The following TCF7L2 variants were observed in gnomAD, a reference collection of about 807,000 sequenced individuals.
TCF7L2 encodes the protein transcription factor 7-like 2.
A neutral mutation model predicts 77.9 loss-of-function variants in TCF7L2; 23 were observed. The ratio of observed to expected loss-of-function variants is 0.30; its 90% confidence interval spans 0.21 to 0.42. The LOEUF is 0.42. TCF7L2 is among the 10% of genes least tolerant of loss of function. The pLI is 1.00. For missense variants in TCF7L2, 654 were observed against 793.1 expected, an observed-to-expected ratio of 0.82 and a Z score of 2.11; for synonymous variants, 413 against 340.2, an observed-to-expected ratio of 1.21 and a Z score of -2.36.
intron 4 of TCF7L2, among the ~76,000 whole-genome samples, chr10:112,989,384 C>A (rs2135419622): frequency 6.6e-6 from 1 of 151,614 alleles, no homozygotes; most frequent in African/African-American, 2.4e-5. Flanking sequence ...AGAAAAAAAG[C>A]CAAAACACTT....
chr10:113,084,669 C>T (rs529533670), intron 5 of TCF7L2, among the ~76,000 whole-genome samples: 7 of 152,062 alleles, frequency 4.6e-5, no homozygotes, highest in South Asian at 2.1e-4. Flanking sequence ...CCGAGGTGGG[C>T]GGATCACTTG....
chr10:112,982,075 G>T (rs1476896157), intron 4 of TCF7L2, among the ~76,000 whole-genome samples: 1 of 152,162 alleles, frequency 6.6e-6, no homozygotes, highest in Non-Finnish European at 1.5e-5. Flanking sequence ...ACTTGTGATC[G>T]ATCTTCCCAT....
rs533953800 is a variant in TCF7L2 at position 113,117,996 on chromosome 10, A to G, written c.553-23188A>G. ...CCCGCCCCCATAAATAAATAATAAA[A>G]TAAATATAAGCTTTTCTCTTAAGAC... On this transcript the variant is annotated intron_variant, in intron 5 of 13. Transcript: ENST00000627217. Among the ~76,000 whole-genome samples, 180 of 129,052 alleles carry G rather than the reference A, an allele frequency of 1.4e-3. 2 individuals carry two copies. In the South Asian group the frequency reaches 0.023, roughly 17 times the overall value. 84.7% of individuals were successfully genotyped at this position (129,052 alleles called of 152,430 possible). A position where few individuals can be genotyped will look rare whatever the true frequency, so the allele number is the denominator to read the frequency against.
chr10:113,101,712 G>A (rs2061655060), intron 5 of TCF7L2, among the ~76,000 whole-genome samples: 3 of 151,780 alleles, frequency 2.0e-5, no homozygotes, highest in African/African-American at 7.3e-5. Flanking sequence ...GCATGGTGGC[G>A]GCCGCCTGTA....
At position 112,951,527 on chromosome 10, in the gene TCF7L2, C is replaced by G; in HGVS notation, c.301C>G (p.Pro101Ala). ...AGGGCTCTTTAAGGGGCCACCGTAT[C>G]CCGGCTACCCCTTCATCATGATCCC... Residue 101 changes from proline to alanine, a missense_variant, in exon 3 of 14, where the codon CCC (proline) becomes GCC (alanine). Around this residue, in one of 6 missense-constraint regions of TCF7L2, gnomAD observed 132 missense variants for 123.7 expected, o/e 1.07. Transcript: ENST00000627217. 2.1e-6 allele frequency: 3 copies of G among 1,429,700 alleles called. No individual in the cohort carries two copies. Among genetic ancestry groups the G allele is most frequent in the Non-Finnish European group, 2.8e-6 (3 of 1,068,598 alleles). 88.6% of individuals were successfully genotyped at this position (1,429,700 alleles called of 1,614,324 possible). A position where few individuals can be genotyped will look rare whatever the true frequency, so the allele number is the denominator to read the frequency against.
intron 4 of TCF7L2, among the ~76,000 whole-genome samples, chr10:112,986,910 T>A (rs556074458): frequency 1.3e-5 from 2 of 152,314 alleles, no homozygotes; most frequent in East Asian, 1.9e-4. Flanking sequence ...TGTCACTGTT[T>A]TTGCTCCTGG....
At chr10:112,994,005 A>G (rs975686597) in intron 4 of TCF7L2, among the ~76,000 whole-genome samples, 1 of 151,822 alleles carries the variant, frequency 6.6e-6, no homozygotes, top group Admixed American at 6.6e-5. Flanking sequence ...CAGTTAGCTG[A>G]GACCATGCCA....
intron 5 of TCF7L2, among the ~76,000 whole-genome samples, chr10:113,068,580 A>G (rs1356788688): frequency 6.6e-6 from 1 of 152,104 alleles, no homozygotes; most frequent in African/African-American, 2.4e-5. Context: ...GAGTTCAAAC[A>G]CTAAACACGG....
chr10:113,002,928 T>G (rs930807629), intron 4 of TCF7L2, among the ~76,000 whole-genome samples: 19 of 152,242 alleles, frequency 1.2e-4, no homozygotes, highest in African/African-American at 4.1e-4. Context: ...CATCTCTAAA[T>G]TTCATTTTAG....
intron 4 of TCF7L2, among the ~76,000 whole-genome samples, chr10:113,014,803 A>G (rs1000091440): frequency 2.0e-5 from 3 of 151,900 alleles, no homozygotes; most frequent in African/African-American, 7.3e-5. Flanking sequence ...CAAACAAACA[A>G]ACAAACAAAA....
chr10:112,978,815 ACTT>A (rs2039941980), intron 4 of TCF7L2, among the ~76,000 whole-genome samples: 1 of 151,536 alleles, frequency 6.6e-6, no homozygotes, highest in South Asian at 2.1e-4. Context: ...ATATGATTCC[ACTT>A]CTTTTAAAAT....
chr10:113,104,320 T>G (rs1276066546), intron 5 of TCF7L2, among the ~76,000 whole-genome samples: 1 of 152,224 alleles, frequency 6.6e-6, no homozygotes, highest in Non-Finnish European at 1.5e-5. Flanking sequence ...CTTGCCATCC[T>G]GACTTGTTTA....
chr10:113,117,993 AAAAT>A (rs2064113431), intron 5 of TCF7L2, among the ~76,000 whole-genome samples: 1 of 126,914 alleles, frequency 7.9e-6, no homozygotes, highest in Non-Finnish European at 1.6e-5. Context: ...AATAAATAAT[AAAAT>A]AAATATAAGC....
At chr10:112,961,158 A>G (rs1279888966) in intron 3 of TCF7L2, among the ~76,000 whole-genome samples, 1 of 149,922 alleles carries the variant, frequency 6.7e-6, no homozygotes, top group Non-Finnish European at 1.5e-5. Context: ...GGATTACAGG[A>G]ATGCGCCACC....
chr10:112,956,679 C>T (rs945459597), intron 3 of TCF7L2, among the ~76,000 whole-genome samples: 2 of 152,096 alleles, frequency 1.3e-5, no homozygotes, highest in East Asian at 1.9e-4. Context: ...AAGGCAAACT[C>T]GCACCTCGAC....
intron 4 of TCF7L2, among the ~76,000 whole-genome samples, chr10:113,025,367 T>G (rs2133953564): frequency 6.6e-6 from 1 of 152,132 alleles, no homozygotes; most frequent in South Asian, 2.1e-4. Context: ...GCCTCCTGAG[T>G]AGCTGGGATT....
intron 5 of TCF7L2, among the ~76,000 whole-genome samples, chr10:113,134,694 A>G (rs954473897): frequency 1.3e-5 from 2 of 152,226 alleles, no homozygotes; most frequent in East Asian, 1.9e-4. Context: ...AGTAAACGGC[A>G]TCTGGAAAAA....
At chr10:113,139,161 G>A (rs1045644235) in intron 5 of TCF7L2, among the ~76,000 whole-genome samples, 4 of 152,158 alleles carry the variant, frequency 2.6e-5, no homozygotes, top group African/African-American at 9.7e-5. Flanking sequence ...TTTCATGTCA[G>A]CGGGTATGTA....
At chr10:112,974,377 C>T (rs1217611578) in intron 4 of TCF7L2, among the ~76,000 whole-genome samples, 1 of 152,166 alleles carries the variant, frequency 6.6e-6, no homozygotes, top group Admixed American at 6.5e-5. Context: ...ATACGTGTGC[C>T]TCTTATGGGC....
Sources: gnomAD v4.1 joint callset for allele counts (sites outside exome capture counted in the v4.1 genomes callset) on GRCh38, gnomAD v4.1.1 for gene constraint, gnomAD v4.1.1 regional missense constraint, MANE v1.5 for transcripts, NCBI Gene and HGNC (gene_info 2026-07-23, HGNC 2026-07-21) for gene names.